The following NEBL variants were observed in gnomAD, a reference collection of about 807,000 sequenced individuals.
NEBL encodes the protein nebulette.
Under a neutral mutation model 140.2 loss-of-function variants are expected in NEBL, and 122 were observed. The observed-to-expected ratio is 0.87, with a 90% CI of 0.75 to 1.01. The LOEUF (loss-of-function observed/expected upper bound fraction) is 1.01, where lower values mean the gene tolerates loss of function less well. Ranked by LOEUF, NEBL falls within the 50% of genes least tolerant of loss-of-function variation. The probability of loss-of-function intolerance (pLI) is 0.00; values close to 1 mark genes in which losing one functional copy is unlikely to be tolerated. For missense variants in NEBL, 1,365 were observed against 1,231.3 expected (o/e 1.11, Z -1.62); for synonymous variants, 436 against 398.9 (o/e 1.09, Z -1.11).
At chr10:20,937,923 G>A (rs1834593064) in intron 4 of NEBL, among the ~76,000 whole-genome samples, 1 of 152,190 alleles carries the variant, frequency 6.6e-6, no homozygotes, top group South Asian at 2.1e-4. Flanking sequence ...GGCTTGAGTA[G>A]GTAAACAAAG....
rs114071767 is a variant in NEBL, at chr10:20,796,999, G to A, written c.2762-9691C>T. Among the ~76,000 whole-genome samples, 321 of 152,248 alleles carry A rather than the reference G, an allele frequency of 2.1e-3. 1 individual carries two copies. The highest frequency in any genetic ancestry group is 7.5e-3 in the African/African-American group (310 of 41,550). On this transcript the variant is annotated intron_variant, in intron 26 of 27. Transcript: ENST00000377122. ...TATGTAGCTTCCTGATAAGAACTAC[G>A]TAATTCTGGGCAGTTCTTCGATAAG... is the stretch of plus-strand genomic sequence containing the variant.
intron 3 of NEBL, among the ~76,000 whole-genome samples, chr10:21,182,923 G>C (rs186057032): frequency 6.6e-6 from 1 of 151,988 alleles, no homozygotes; most frequent in Non-Finnish European, 1.5e-5. Flanking sequence ...TATTTATAGC[G>C]CCTCTCAAAT....
chr10:21,025,263 TG>T (rs2131785292), intron 2 of NEBL, among the ~76,000 whole-genome samples: 1 of 152,298 alleles, frequency 6.6e-6, no homozygotes, highest in South Asian at 2.1e-4. Context: ...TTGAGAGATG[TG>T]GGGAATATGC....
chr10:20,907,629 G>T (rs1848148988), intron 4 of NEBL, among the ~76,000 whole-genome samples: 1 of 152,126 alleles, frequency 6.6e-6, no homozygotes, highest in Admixed American at 6.6e-5. Flanking sequence ...ATGTCACCAG[G>T]AAGTATATGA....
At chr10:20,844,625 GT>G (rs1436074687) in intron 12 of NEBL, among the ~76,000 whole-genome samples, 2 of 151,570 alleles carry the variant, frequency 1.3e-5, no homozygotes, top group Non-Finnish European at 2.9e-5. Flanking sequence ...GCACCATTAT[GT>G]TTTTGGGGAA....
At chr10:20,853,056 A>G (rs1251681378) in intron 9 of NEBL, among the ~76,000 whole-genome samples, 1 of 152,224 alleles carries the variant, frequency 6.6e-6, no homozygotes, top group East Asian at 1.9e-4. Flanking sequence ...AAGGAAAGAA[A>G]AGCAAAAAGA....
At chr10:21,185,542 G>A (rs1188610405) in intron 3 of NEBL, among the ~76,000 whole-genome samples, 2 of 122,872 alleles carry the variant, frequency 1.6e-5, no homozygotes, top group African/African-American at 3.3e-5. Context: ...CTGTCGCCCA[G>A]GTTGGAGTGC....
chr10:20,868,568 C>G, intron 7 of NEBL, 96 bp downstream of exon 7: 1 of 891,446 alleles, frequency 1.1e-6, no homozygotes. Flanking sequence ...TTTATTCTTG[C>G]AATTAAAGAT....
At chr10:20,913,361 C>T (rs1195141095) in intron 4 of NEBL, among the ~76,000 whole-genome samples, 3 of 152,166 alleles carry the variant, frequency 2.0e-5, no homozygotes, top group African/African-American at 7.2e-5. Context: ...ACAAGGTCTC[C>T]TGTGGGACAA....
At chr10:20,839,174 A>G (rs533738190) in intron 13 of NEBL, among the ~76,000 whole-genome samples, 1 of 152,194 alleles carries the variant, frequency 6.6e-6, no homozygotes, top group African/African-American at 2.4e-5. Context: ...TTCTCCTAAT[A>G]AGGCCTAATT....
At chr10:20,938,374 G>A (rs1224607580) in intron 4 of NEBL, among the ~76,000 whole-genome samples, 2 of 152,206 alleles carry the variant, frequency 1.3e-5, no homozygotes, top group African/African-American at 4.8e-5. Flanking sequence ...CTGCACCTGA[G>A]GGTCCTGACT....
chr10:21,153,356 T>C (rs1349693202), intron 2 of NEBL, among the ~76,000 whole-genome samples: 1 of 147,444 alleles, frequency 6.8e-6, no homozygotes, highest in Non-Finnish European at 1.5e-5. Context: ...AGTTTTGCTC[T>C]GTCATCCAGG....
chr10:21,050,241 T>C (rs1834713484), intron 2 of NEBL, among the ~76,000 whole-genome samples: 1 of 152,228 alleles, frequency 6.6e-6, no homozygotes, highest in South Asian at 2.1e-4. Context: ...TTTTACTTTT[T>C]CTGTATTCTC....
At chr10:21,119,052 C>A (rs1470248195) in intron 2 of NEBL, among the ~76,000 whole-genome samples, 1 of 152,140 alleles carries the variant, frequency 6.6e-6, no homozygotes. Flanking sequence ...GACTAAGATG[C>A]CCAACAGCAA....
intron 3 of NEBL, among the ~76,000 whole-genome samples, chr10:21,230,807 G>A (rs2132254535): frequency 1.3e-5 from 2 of 152,102 alleles, no homozygotes; most frequent in African/African-American, 4.8e-5. Flanking sequence ...GTTTCACCAT[G>A]TTGCTCAGGC....
intron 2 of NEBL, among the ~76,000 whole-genome samples, chr10:21,157,718 T>C (rs73609206): frequency 0.033 from 5,019 of 152,252 alleles, 294 homozygotes; most frequent in African/African-American, 0.11. Flanking sequence ...GGAGTTGAAT[T>C]GTATATGTAT....
At chr10:21,122,075 G>C (rs1335804034) in intron 2 of NEBL, among the ~76,000 whole-genome samples, 1 of 151,854 alleles carries the variant, frequency 6.6e-6, no homozygotes, top group Non-Finnish European at 1.5e-5. Context: ...ACCCAGACTG[G>C]AATGCAGTGG....
intron 14 of NEBL, among the ~76,000 whole-genome samples, chr10:20,833,676 G>A (rs1205839937): frequency 6.6e-6 from 1 of 151,188 alleles, no homozygotes; most frequent in Non-Finnish European, 1.5e-5. Context: ...TGTCTACTAG[G>A]ACCCTGGAGG....
chr10:20,897,011 T>G lies in NEBL; in HGVS notation c.100A>C (p.Ile34Leu). The G allele has an allele frequency of 6.2e-7, 1 of 1,613,950 alleles. No individual in the cohort carries two copies. The highest frequency in any genetic ancestry group is 1.6e-4 in the Middle Eastern group (1 of 6,062). Residue 34 changes from isoleucine (I) to leucine (L), a missense_variant, in exon 2 of 28, where the codon ATT (isoleucine) becomes CTT (leucine). By Grantham distance (5) the Ile-to-Leu change is conservative (BLOSUM62 2). This residue lies in a region of NEBL where 1,323 missense variants were observed against 1,154.8 expected (regional missense o/e 1.15). Transcript: ENST00000377122. ...EEDQVFYKPV[I>L]EDLSMELARK... ...GCCAATTCCATGCTTAAGTCTTCAA[T>G]AACAGGCTTATAGAAGACCTATTTG...
Sources: allele counts gnomAD v4.1 joint callset (sites outside exome capture counted in the v4.1 genomes callset), GRCh38; gene constraint gnomAD v4.1.1; regional missense constraint gnomAD v4.1.1; transcripts MANE v1.5; gene names NCBI Gene and HGNC (gene_info 2026-07-23, HGNC 2026-07-21).